FRMD6: variants seen among roughly 807,000 people sequenced by gnomAD.
The protein encoded by FRMD6 is FERM domain-containing protein 6.
Under a neutral mutation model 73.2 loss-of-function variants are expected in FRMD6, and 37 were observed. That is an observed-to-expected ratio of 0.51 (90% CI 0.39 to 0.66). The LOEUF is 0.66. FRMD6 is among the 30% of genes least tolerant of loss of function. The pLI, the probability that FRMD6 is intolerant of heterozygous loss-of-function variation, is 0.00. For missense variants in FRMD6, 714 were observed against 780.5 expected (o/e 0.91, Z 1.02); for synonymous variants, 273 against 282.2 (o/e 0.97, Z 0.33).
the FRMD6 span, among the ~76,000 whole-genome samples, chr14:51,476,259 A>C: frequency 6.6e-6 from 1 of 152,182 alleles, no homozygotes; most frequent in South Asian, 2.1e-4. Context: ...AGGGAGAGAG[A>C]TAAGAAGGCA....
chr14:51,493,018 G>A (rs1411990974), intron 1 of FRMD6, among the ~76,000 whole-genome samples: 1 of 152,180 alleles, frequency 6.6e-6, no homozygotes, highest in Non-Finnish European at 1.5e-5. Flanking sequence ...ATAGGTACAT[G>A]ACACTGATTC....
intron 1 of FRMD6, among the ~76,000 whole-genome samples, chr14:51,561,563 T>G (rs1400328642): frequency 6.6e-6 from 1 of 152,224 alleles, no homozygotes; most frequent in Non-Finnish European, 1.5e-5. Context: ...AGCAATAGAC[T>G]TGTAAGCAAA....
the FRMD6 span, among the ~76,000 whole-genome samples, chr14:51,475,153 C>T: frequency 6.6e-6 from 1 of 152,196 alleles, no homozygotes; most frequent in Non-Finnish European, 1.5e-5. Context: ...AATTTGTATT[C>T]TCTGGTCCCC....
At chr14:51,667,344 T>A (rs1475366396) in intron 1 of FRMD6, among the ~76,000 whole-genome samples, 2 of 152,110 alleles carry the variant, frequency 1.3e-5, no homozygotes, top group Non-Finnish European at 2.9e-5. Context: ...AACTGAAAAA[T>A]TAATACTTTA....
In FRMD6 at chr14:51,729,637, T is replaced by C. The variant is rs917033788; in HGVS notation, c.*1608T>C. On this transcript the variant is annotated 3_prime_UTR_variant, in exon 14 of 14. Coordinates refer to ENST00000344768, the MANE Select transcript of FRMD6 (RefSeq NM_001267046.2). ...TTCTAAAGAAACAATCATATTTTTA[T>C]ACAAAATTATGTTTTCAGGTAACGA... 1 of 152,678 alleles carries C rather than the reference T, an allele frequency of 6.5e-6. No homozygotes were observed. The highest frequency in any genetic ancestry group is 1.5e-5 in the Non-Finnish European group (1 of 68,048). 9.5% of individuals were successfully genotyped at this position (152,678 alleles called of 1,614,324 possible).
At chr14:51,712,370 G>A in intron 8 of FRMD6, 113 bp from the exon 9 acceptor site, 2 of 672,688 alleles carry the variant, frequency 3.0e-6, no homozygotes, top group Non-Finnish European at 5.3e-6. Context: ...GAGATGTGGG[G>A]GCTTTTTTCA....
At chr14:51,612,961 G>A (rs1019942165) in intron 2 of FRMD6, among the ~76,000 whole-genome samples, 7 of 152,144 alleles carry the variant, frequency 4.6e-5, no homozygotes, top group Non-Finnish European at 1.0e-4. Context: ...TGAAAGCAAA[G>A]GGGAGGAAAA....
At chr14:51,542,080 G>A (rs549411872) in intron 1 of FRMD6, among the ~76,000 whole-genome samples, 2 of 152,088 alleles carry the variant, frequency 1.3e-5, no homozygotes, top group Admixed American at 1.3e-4. Flanking sequence ...CCCATACCAG[G>A]TGCTTCAAAA....
At chr14:51,593,546 A>G (rs948491728) in intron 2 of FRMD6, among the ~76,000 whole-genome samples, 1 of 152,200 alleles carries the variant, frequency 6.6e-6, no homozygotes, top group Non-Finnish European at 1.5e-5. Context: ...TGCTGCACGT[A>G]TATTCCTGTG....
At chr14:51,582,983 T>A (rs1305013054) in intron 2 of FRMD6, among the ~76,000 whole-genome samples, 1 of 152,238 alleles carries the variant, frequency 6.6e-6, no homozygotes, top group African/African-American at 2.4e-5. Context: ...TAGTTTTTAC[T>A]TTCTCGCCTT....
the FRMD6 span, among the ~76,000 whole-genome samples, chr14:51,450,355 CA>C: frequency 6.6e-6 from 1 of 152,208 alleles, no homozygotes; most frequent in East Asian, 1.9e-4. Context: ...GACAGAAAAC[CA>C]GACCAGAATT....
chr14:51,534,133 C>T (rs1461232809), intron 1 of FRMD6, among the ~76,000 whole-genome samples: 1 of 152,188 alleles, frequency 6.6e-6, no homozygotes, highest in African/African-American at 2.4e-5. Flanking sequence ...TCACCCTGCT[C>T]CTGTCTGCCT....
the FRMD6 span, among the ~76,000 whole-genome samples, chr14:51,443,982 G>T: frequency 6.7e-6 from 1 of 149,408 alleles, no homozygotes; most frequent in African/African-American, 2.5e-5. Flanking sequence ...AGGCTGGAGT[G>T]CAATGGTGCA....
At chr14:51,652,758 G>A (rs1892518257) in intron 1 of FRMD6, among the ~76,000 whole-genome samples, 1 of 152,318 alleles carries the variant, frequency 6.6e-6, no homozygotes, top group Middle Eastern at 3.4e-3. Context: ...CAGGAGCACC[G>A]GATTCGGCTC....
chr14:51,612,081 G>A (rs1426640025), intron 2 of FRMD6, among the ~76,000 whole-genome samples: 2 of 152,194 alleles, frequency 1.3e-5, no homozygotes, highest in East Asian at 3.9e-4. Flanking sequence ...ATTCCATAAT[G>A]AACACCAATT....
intron 1 of FRMD6, among the ~76,000 whole-genome samples, chr14:51,552,448 C>A (rs1408343404): frequency 2.0e-5 from 3 of 152,180 alleles, no homozygotes; most frequent in Non-Finnish European, 4.4e-5. Flanking sequence ...AGGCACAAAC[C>A]CTGATGCCCC....
chr14:51,446,103 C>T, the FRMD6 span, among the ~76,000 whole-genome samples: 1 of 152,206 alleles, frequency 6.6e-6, no homozygotes, highest in Admixed American at 6.5e-5. Flanking sequence ...AGCTTCTACA[C>T]TGTCTTGCAG....
upstream of FRMD6, among the ~76,000 whole-genome samples, chr14:51,488,417 T>C (rs1362740996): frequency 6.6e-6 from 1 of 152,168 alleles, no homozygotes; most frequent in Non-Finnish European, 1.5e-5. Flanking sequence ...AATCCTTTCA[T>C]TTTGCTTATT....
Position 51,519,932 on chromosome 14 carries a change from G to C in FRMD6, c.-210+30512G>C, listed in dbSNP as rs553386478. Among the ~76,000 whole-genome samples, 6 of 152,254 alleles carry C rather than the reference G, an allele frequency of 3.9e-5. 1 individual carries two copies. The South Asian group carries it at 1.2e-3, about 32-fold the overall frequency. ...GAATTTTAAGAGACATTCACTCCAC[G>C]CATTAGCAAACCTTGTTTGTATATG... On this transcript the variant is annotated intron_variant, in intron 1 of 14. Transcript: ENST00000356218.
Sources: allele counts gnomAD v4.1 joint callset (sites outside exome capture counted in the v4.1 genomes callset), GRCh38; gene constraint gnomAD v4.1.1; transcripts MANE v1.5; gene names NCBI Gene and HGNC (gene_info 2026-07-23, HGNC 2026-07-21).